The following FRMD4B variants were observed in gnomAD, a reference collection of about 807,000 sequenced individuals.
FRMD4B encodes FERM domain-containing protein 4B.
A neutral mutation model predicts 141.5 loss-of-function variants in FRMD4B; 74 were observed. The observed-to-expected ratio is 0.52, with a 90% confidence interval of 0.43 to 0.63. FRMD4B has a LOEUF of 0.63. FRMD4B is among the 30% of genes least tolerant of loss of function. FRMD4B has a pLI of 0.00. For synonymous variants in FRMD4B, 506 were observed against 467.9 expected, an observed-to-expected ratio of 1.08 and a Z score of -1.05; for missense variants, 1,366 against 1,253.4, an observed-to-expected ratio of 1.09 and a Z score of -1.36.
chr3:69,395,602 A>G (rs1704460731), intron 2 of FRMD4B, among the ~76,000 whole-genome samples: 1 of 152,226 alleles, frequency 6.6e-6, no homozygotes, highest in East Asian at 1.9e-4. Flanking sequence ...TAAGAGCAAA[A>G]GAAAAGAAAG....
chr3:69,286,339 A>C (rs1445370807), intron 5 of FRMD4B, among the ~76,000 whole-genome samples: 1 of 152,242 alleles, frequency 6.6e-6, no homozygotes, highest in Admixed American at 6.5e-5. Context: ...ACTTATCTAA[A>C]AGTAAATTGT....
intron 5 of FRMD4B, among the ~76,000 whole-genome samples, chr3:69,263,662 T>C (rs1353297432): frequency 6.6e-6 from 1 of 151,866 alleles, no homozygotes; most frequent in Non-Finnish European, 1.5e-5. Flanking sequence ...TCCACCCACC[T>C]TGGCCTCCCA....
intron 11 of FRMD4B, among the ~76,000 whole-genome samples, chr3:69,214,719 G>A (rs1426108620): frequency 6.6e-6 from 1 of 151,924 alleles, no homozygotes; most frequent in African/African-American, 2.4e-5. Context: ...AAAATGATCT[G>A]GGCATGGTAG....
At chr3:69,220,231 C>A (rs2093180793) in intron 9 of FRMD4B, among the ~76,000 whole-genome samples, 2 of 152,316 alleles carry the variant, frequency 1.3e-5, no homozygotes, top group South Asian at 4.1e-4. Flanking sequence ...TGCTCCTAGG[C>A]TACCAACCTG....
intron 1 of FRMD4B, among the ~76,000 whole-genome samples, chr3:69,473,632 G>A (rs1244598037): frequency 3.3e-5 from 5 of 152,060 alleles, no homozygotes; most frequent in African/African-American, 1.2e-4. Flanking sequence ...TTAGGTTTTT[G>A]TGTCCATTGA....
intron 1 of FRMD4B, among the ~76,000 whole-genome samples, chr3:69,468,914 A>G (rs1349124950): frequency 3.3e-5 from 5 of 152,196 alleles, no homozygotes; most frequent in African/African-American, 1.2e-4. Context: ...CAACTTTGCC[A>G]TCAATACAGA....
At chr3:69,385,125 T>C (rs553790467) in intron 1 of FRMD4B, among the ~76,000 whole-genome samples, 1 of 151,442 alleles carries the variant, frequency 6.6e-6, no homozygotes, top group African/African-American at 2.4e-5. Flanking sequence ...AATGGTCTCC[T>C]AGTTGAGCAA....
At chr3:69,172,714 A>C (rs1201907535) in intron 22 of FRMD4B, among the ~76,000 whole-genome samples, 1 of 152,210 alleles carries the variant, frequency 6.6e-6, no homozygotes, top group Non-Finnish European at 1.5e-5. Flanking sequence ...ACATTTAAAA[A>C]TCATACGCAT....
chr3:69,327,921 T>C (rs547499202), intron 1 of FRMD4B, among the ~76,000 whole-genome samples: 1 of 152,340 alleles, frequency 6.6e-6, no homozygotes, highest in African/African-American at 2.4e-5. Flanking sequence ...GCAGGCTGTG[T>C]TTTTAAATGG....
At chr3:69,374,969 C>A (rs1703926816) in intron 1 of FRMD4B, among the ~76,000 whole-genome samples, 1 of 152,108 alleles carries the variant, frequency 6.6e-6, no homozygotes, top group African/African-American at 2.4e-5. Flanking sequence ...GACATCCATC[C>A]AACCATTCAT....
intron 1 of FRMD4B, among the ~76,000 whole-genome samples, chr3:69,528,317 CTT>C (rs763140968): frequency 1.4e-5 from 2 of 144,340 alleles, no homozygotes; most frequent in Non-Finnish European, 3.0e-5. Flanking sequence ...CTTTCTCTCT[CTT>C]TCTTTCTCGC....
At chr3:69,434,815 G>T (rs773896518) in intron 1 of FRMD4B, among the ~76,000 whole-genome samples, 11 of 152,170 alleles carry the variant, frequency 7.2e-5, no homozygotes, top group African/African-American at 1.2e-4. Flanking sequence ...ATATTAGTTT[G>T]CTAGGGCTGC....
At chr3:69,180,837 G>C (rs1277061140) in intron 21 of FRMD4B, 62 bp downstream of exon 21, 2 of 1,225,880 alleles carry the variant, frequency 1.6e-6, no homozygotes, top group African/African-American at 3.0e-5. Context: ...GGCGGTTTTA[G>C]GTGGGCAGGA....
intron 1 of FRMD4B, among the ~76,000 whole-genome samples, chr3:69,540,567 T>C (rs1701158464): frequency 7.5e-6 from 1 of 133,134 alleles, no homozygotes; most frequent in Non-Finnish European, 1.5e-5. Context: ...TGAGCCGAGA[T>C]CGGCCACTGC....
intron 1 of FRMD4B, among the ~76,000 whole-genome samples, chr3:69,494,285 T>A (rs987981554): frequency 2.6e-5 from 4 of 152,206 alleles, no homozygotes; most frequent in African/African-American, 9.6e-5. Flanking sequence ...TAGAAATAGA[T>A]GTGGTCACTA....
At chr3:69,527,641 A>G (rs1333781578) in intron 1 of FRMD4B, among the ~76,000 whole-genome samples, 1 of 152,232 alleles carries the variant, frequency 6.6e-6, no homozygotes, top group East Asian at 1.9e-4. Flanking sequence ...TTGCAGGAGC[A>G]TAATCTTTCA....
intron 1 of FRMD4B, among the ~76,000 whole-genome samples, chr3:69,346,850 A>G (rs879731788): frequency 6.6e-6 from 1 of 152,246 alleles, no homozygotes; most frequent in Non-Finnish European, 1.5e-5. Context: ...ATGGAAAGGA[A>G]AAACCCATAC....
chr3:69,533,969 T>C (rs6796077), intron 1 of FRMD4B, among the ~76,000 whole-genome samples: 1 of 152,034 alleles, frequency 6.6e-6, no homozygotes, highest in Non-Finnish European at 1.5e-5. Context: ...TGCCCAAGAA[T>C]CTTCCAGGTT....
intron 1 of FRMD4B, among the ~76,000 whole-genome samples, chr3:69,487,326 G>C (rs1706231116): frequency 6.6e-6 from 1 of 152,220 alleles, no homozygotes. Flanking sequence ...GAGAAAGTTA[G>C]AGATAAGGCG....
Sources: gnomAD v4.1 joint callset for allele counts (sites outside exome capture counted in the v4.1 genomes callset) on GRCh38, gnomAD v4.1.1 for gene constraint, MANE v1.5 for transcripts, NCBI Gene and HGNC (gene_info 2026-07-23, HGNC 2026-07-21) for gene names.